Variants in IL24 observed in about 807,000 individuals in gnomAD.
The protein encoded by IL24 is interleukin-24.
A neutral mutation model predicts 27.6 loss-of-function variants in IL24; 24 were observed. That is an observed-to-expected ratio of 0.87 (90% CI 0.63 to 1.22). The LOEUF (loss-of-function observed/expected upper bound fraction) is 1.22. Among genes scored for constraint, IL24 ranks in the 50% most tolerant of loss-of-function variants. The probability of loss-of-function intolerance (pLI) is 0.00; values close to 1 mark genes in which losing one functional copy is unlikely to be tolerated. For missense variants in IL24, 240 were observed against 237.0 expected, an observed-to-expected ratio of 1.01 and a Z score of -0.08; for synonymous variants, 99 against 93.1, an observed-to-expected ratio of 1.06 and a Z score of -0.36.
Position 206,900,357 on chromosome 1 carries a change from G to C in IL24, c.303G>C (p.Ser101=). Reference sequence around the variant, plus strand: ...AGCAGGAGGTTCTGCAGAACGTCTCGGTAATCAGACCTCGGGGACACCACC... The same window carrying C: ...AGCAGGAGGTTCTGCAGAACGTCTCCGTAATCAGACCTCGGGGACACCACC... ...LLQQEVLQNV[S]DAESCYLVHT... The change falls in exon 4 of 7, where the codon TCG becomes TCC. Residue 101 remains serine (S), a splice_region_variant and synonymous_variant. Transcript: ENST00000294984. The C allele has an allele frequency of 1.2e-6, 2 of 1,613,978 alleles. No homozygotes were observed. The highest frequency in any genetic ancestry group is 1.7e-6 in the Non-Finnish European group (2 of 1,179,918).
At chr1:206,902,306 T>C (rs1678422719) in intron 6 of IL24, 3 of 985,382 alleles carry the variant, frequency 3.0e-6, no homozygotes, top group Non-Finnish European at 3.6e-6. Flanking sequence ...CCCTACAAGA[T>C]GATTTTACGA....
At chr1:206,901,824 G>C (rs1678395164) in intron 5 of IL24, among the ~76,000 whole-genome samples, 172 bp downstream of exon 5, 1 of 152,166 alleles carries the variant, frequency 6.6e-6, no homozygotes, top group East Asian at 1.9e-4. Flanking sequence ...AATTAAAGGA[G>C]GTAGCCCCTT....
rs544085068 is a variant in IL24 at position 206,902,958 on chromosome 1, A to T, written c.538-18A>T. On this transcript the variant is annotated intron_variant, in intron 6 of 6. Transcript: ENST00000294984. ...TCATAGCTAACATGGCTGACCTTCA[A>T]CCCTCTTTTCCCTTTAGTTGGACGT... 24 of 1,614,102 alleles carry T rather than the reference A, an allele frequency of 1.5e-5. No homozygotes were observed. The African/African-American group carries it at 2.8e-4, about 19-fold the overall frequency.
chr1:206,901,420 G>T (rs1289945615), intron 4 of IL24, 74 bp from the exon 5 acceptor site: 1 of 1,495,470 alleles, frequency 6.7e-7, no homozygotes, highest in Non-Finnish European at 9.0e-7. Context: ...GCCTTGGGTG[G>T]CATGTGGGTT....
At position 206,901,535 on chromosome 1, in the gene IL24, C is replaced by A. The variant is rs1678379489; in HGVS notation, c.345C>A (p.Phe115Leu). ...SCYLVHTLLE[F>L]YLKTVFKNYH... is the part of the protein sequence containing the mutation. ...ACCTTGTCCACACCCTGCTGGAGTTCTACTTGAAAACTGTTTTCAAAAACT... is the reference window on the plus strand; with the variant it reads ...ACCTTGTCCACACCCTGCTGGAGTTATACTTGAAAACTGTTTTCAAAAACT... The change falls in exon 5 of 7, where the codon TTC (phenylalanine) becomes TTA (leucine). Residue 115 changes from phenylalanine to leucine, a missense_variant. Transcript: ENST00000294984. 4 of 1,613,916 alleles carry A rather than the reference C, an allele frequency of 2.5e-6. No homozygotes were observed. The highest frequency in any genetic ancestry group is 1.3e-5 in the African/African-American group (1 of 74,900).
In IL24 at chr1:206,897,812, G is replaced by C. The variant is rs1558639354; in HGVS notation, c.-21G>C. The C allele has an allele frequency of 1.2e-6, 2 of 1,612,476 alleles. No homozygotes were observed. Among genetic ancestry groups the C allele is most frequent in the Non-Finnish European group, 1.7e-6 (2 of 1,179,478 alleles). On this transcript the variant is annotated 5_prime_UTR_variant, in exon 2 of 7. Coordinates refer to ENST00000294984, the MANE Select transcript of IL24 (RefSeq NM_006850.3). ...TTGAGGCTGCTTGGGAGGAAGGCCA[G>C]GAGGAACACGAGACTGAGAGATGAA...
In IL24 at chr1:206,899,308, T is replaced by C; in HGVS notation, c.45-12T>C. On this transcript the variant is annotated splice_polypyrimidine_tract_variant and intron_variant, in intron 2 of 6. Coordinates refer to ENST00000294984, the MANE Select transcript of IL24 (RefSeq NM_006850.3). ...GGCCGGCCTCACAGGCTGCCTCCCT[T>C]TCTTTCAGCAGACCCTTCTGCCCTC... 6.2e-7 allele frequency: 1 copy of C among 1,611,938 alleles called. No individual in the cohort carries two copies. The highest frequency in any genetic ancestry group is 8.5e-7 in the Non-Finnish European group (1 of 1,179,176).
intron 3 of IL24, 129 bp from the exon 4 acceptor site, chr1:206,900,166 G>T: frequency 2.4e-6 from 2 of 830,836 alleles, no homozygotes; most frequent in Non-Finnish European, 3.9e-6. Flanking sequence ...GTCCTCTTTT[G>T]GTCCCTCTGG....
In IL24 at chr1:206,899,468, G is replaced by T; in HGVS notation, c.193G>T (p.Val65Phe). The change falls in exon 3 of 7, where the codon GTT becomes TTT. Residue 65 changes from valine to phenylalanine, a missense_variant. Transcript: ENST00000294984. ...TGGGCCCTGCCAAGTGAAGGGGGTT[G>T]TTCCCCAGAAACTGTGGGAAGCCTT... ...HFGPCQVKGVVPQKLWEAFWA... is the reference protein window; with the variant it reads ...HFGPCQVKGVFPQKLWEAFWA... The T allele has an allele frequency of 6.2e-7, 1 of 1,613,362 alleles. No individual in the cohort carries two copies. The highest frequency in any genetic ancestry group is 8.5e-7 in the Non-Finnish European group (1 of 1,179,596).
chr1:206,901,387 C>T (rs1366896247), intron 4 of IL24, 107 bp from the exon 5 acceptor site: 1 of 1,245,460 alleles, frequency 8.0e-7, no homozygotes. Flanking sequence ...CTAGAAGATC[C>T]CTATCTCTGC....
rs143058564 is a variant in IL24 at position 206,902,274 on chromosome 1, A to C, written c.537+202A>C. ...AGTGGTCTTTTTTCTTCCAGTTTTCAAGTTAAAGTGCTTCTATATTTCCCT... is the reference window on the plus strand; with the variant it reads ...AGTGGTCTTTTTTCTTCCAGTTTTCCAGTTAAAGTGCTTCTATATTTCCCT... On this transcript the variant is annotated intron_variant, in intron 6 of 6. Coordinates refer to ENST00000294984, the MANE Select transcript of IL24 (RefSeq NM_006850.3). 2,035 of 985,366 alleles carry C rather than the reference A, an allele frequency of 2.1e-3. 7 individuals carry two copies. The East Asian group carries it at 0.022, about 11-fold the overall frequency. 61.0% of individuals were successfully genotyped at this position (985,366 alleles called of 1,614,324 possible). A position where few individuals can be genotyped will look rare whatever the true frequency, so the allele number is the denominator to read the frequency against.
At position 206,901,603 on chromosome 1, in the gene IL24, CT is replaced by C; in HGVS notation, c.414del (p.Thr139LeufsTer44). ...TVEVRTLKSF[S>X]TLANNFVLIV... ...GAAGTCAGGACTCTGAAGTCATTCT[CT>C]ACTCTGGCCAACAACTTTGTTCTCA... is the stretch of plus-strand genomic sequence containing the variant. On this transcript the variant is annotated frameshift_variant, in exon 5 of 7. Coordinates refer to ENST00000294984, the MANE Select transcript of IL24 (RefSeq NM_006850.3). LOFTEE classifies it high-confidence loss of function. 2.5e-6 allele frequency: 4 copies of C among 1,614,216 alleles called. No individual in the cohort carries two copies. The highest frequency in any genetic ancestry group is 3.4e-6 in the Non-Finnish European group (4 of 1,180,032).
chr1:206,901,523 C>G lies in IL24; in HGVS notation c.333C>G (p.Thr111=). Residue 111 remains threonine, a synonymous_variant, in exon 5 of 7, where the codon ACC becomes ACG. Coordinates refer to ENST00000294984, the MANE Select transcript of IL24 (RefSeq NM_006850.3). ...CTGAGAGCTGTTACCTTGTCCACACCCTGCTGGAGTTCTACTTGAAAACTG... is the reference window on the plus strand; with the variant it reads ...CTGAGAGCTGTTACCTTGTCCACACGCTGCTGGAGTTCTACTTGAAAACTG... ...SDAESCYLVH[T]LLEFYLKTVF... The G allele has an allele frequency of 6.2e-7, 1 of 1,613,734 alleles. No homozygotes were observed. The highest frequency in any genetic ancestry group is 1.1e-5 in the South Asian group (1 of 91,020).
rs755548073 is a variant in IL24 at position 206,901,629 on chromosome 1, A to G, written c.439A>G (p.Ile147Val). Reference sequence around the variant, plus strand: ...TACTCTGGCCAACAACTTTGTTCTCATCGTGTCACAACTGCAACCCAGTGT... The same window carrying G: ...TACTCTGGCCAACAACTTTGTTCTCGTCGTGTCACAACTGCAACCCAGTGT... ...FSTLANNFVL[I>V]VSQLQPSQEN... Residue 147 changes from isoleucine to valine, a missense_variant, in exon 5 of 7, where the codon ATC (isoleucine) becomes GTC (valine). By Grantham distance (29) the Ile-to-Val change is conservative (BLOSUM62 3). Coordinates refer to ENST00000294984, the MANE Select transcript of IL24 (RefSeq NM_006850.3). The G allele has an allele frequency of 3.7e-6, 6 of 1,613,940 alleles. No individual in the cohort carries two copies. The highest frequency in any genetic ancestry group is 4.2e-6 in the Non-Finnish European group (5 of 1,179,808).
At chr1:206,900,451 C>A in intron 4 of IL24, 94 bp downstream of exon 4, 1 of 1,117,506 alleles carries the variant, frequency 8.9e-7, no homozygotes, top group Non-Finnish European at 1.4e-6. Flanking sequence ...GAAAGCCCTT[C>A]ACTTCTTCCC....
rs1321163767 is a variant in IL24 at position 206,903,157 on chromosome 1, C to T, written c.*98C>T. ...TATGCTGTTCACTGGACACTTCACG[C>T]CCTTGGCCATGGGTCCCATTCTTGG... On this transcript the variant is annotated 3_prime_UTR_variant, in exon 7 of 7. Coordinates refer to ENST00000294984, the MANE Select transcript of IL24 (RefSeq NM_006850.3). The T allele has an allele frequency of 9.5e-7, 1 of 1,050,604 alleles. No individual in the cohort carries two copies. Among genetic ancestry groups the T allele is most frequent in the Admixed American group, 1.8e-5 (1 of 56,160 alleles). 65.1% of individuals were successfully genotyped at this position (1,050,604 alleles called of 1,614,324 possible). A position where few individuals can be genotyped will look rare whatever the true frequency, so the allele number is the denominator to read the frequency against.
At chr1:206,899,537 AC>A in intron 3 of IL24, 22 bp downstream of exon 3, 1 of 1,540,686 alleles carries the variant, frequency 6.5e-7, no homozygotes, top group Non-Finnish European at 8.7e-7. Context: ...GCTGTTCTGG[AC>A]CCAGTCGTGG....
At chr1:206,899,284 G>GC (rs1273057026) in intron 2 of IL24, 36 bp from the exon 3 acceptor site, 2 of 1,603,400 alleles carry the variant, frequency 1.2e-6, no homozygotes, top group Non-Finnish European at 1.7e-6. Context: ...GGGTCAGAGG[G>GC]CCGGCCTCAC....
intron 2 of IL24, 142 bp downstream of exon 2, chr1:206,898,018 A>T: frequency 1.9e-6 from 1 of 523,322 alleles, no homozygotes; most frequent in Non-Finnish European, 3.4e-6. Flanking sequence ...TTAGTTGGGC[A>T]TGTGTTTTTG....
Sources: gnomAD v4.1 joint callset for allele counts (sites outside exome capture counted in the v4.1 genomes callset) on GRCh38, gnomAD v4.1.1 for gene constraint, MANE v1.5 for transcripts, NCBI Gene and HGNC (gene_info 2026-07-23, HGNC 2026-07-21) for gene names.